Variants in CNTN1 observed in about 807,000 individuals in gnomAD.
CNTN1 encodes the protein contactin-1.
In CNTN1, 38 loss-of-function variants were observed where a neutral mutation model predicts 126.4. The observed-to-expected ratio is 0.30, with a 90% CI of 0.23 to 0.39. The LOEUF (loss-of-function observed/expected upper bound fraction) is 0.39, where lower values mean the gene tolerates loss of function less well. Ranked by LOEUF, CNTN1 falls within the 10% of genes least tolerant of loss-of-function variation. The probability of loss-of-function intolerance (pLI) is 1.00; values close to 1 mark genes in which losing one functional copy is unlikely to be tolerated. For synonymous variants in CNTN1, 413 were observed against 422.6 expected (o/e 0.98, Z 0.28); for missense variants, 1,009 against 1,248.4 (o/e 0.81, Z 2.89).
intron 14 of CNTN1, among the ~76,000 whole-genome samples, chr12:40,948,411 C>T (rs1438452864): frequency 6.7e-6 from 1 of 150,108 alleles, no homozygotes; most frequent in Non-Finnish European, 1.5e-5. Context: ...GTAATAATAG[C>T]CAACATTTAT....
chr12:41,055,568 G>A (rs1949785785), intron 23 of CNTN1, among the ~76,000 whole-genome samples: 1 of 152,074 alleles, frequency 6.6e-6, no homozygotes, highest in African/African-American at 2.4e-5. Flanking sequence ...CTCTTGAGAA[G>A]AAGAAAGGCC....
At chr12:40,977,965 G>A (rs1341405395) in intron 15 of CNTN1, among the ~76,000 whole-genome samples, 1 of 151,988 alleles carries the variant, frequency 6.6e-6, no homozygotes, top group East Asian at 1.9e-4. Flanking sequence ...TGCCATGCCA[G>A]CTGATTTTTG....
intron 17 of CNTN1, among the ~76,000 whole-genome samples, chr12:41,003,001 A>G (rs1368445290): frequency 6.6e-6 from 1 of 152,058 alleles, no homozygotes; most frequent in Non-Finnish European, 1.5e-5. Context: ...GAAGTGAGAG[A>G]TGGTATCCTG....
At chr12:41,016,657 A>G (rs1471564133) in intron 18 of CNTN1, 25 bp from the exon 19 acceptor site, 3 of 1,471,928 alleles carry the variant, frequency 2.0e-6, no homozygotes, top group Non-Finnish European at 2.9e-6. Flanking sequence ...ACTAAAACCT[A>G]CTCAATCTTT....
chr12:40,867,495 T>A (rs559911425), intron 1 of CNTN1, among the ~76,000 whole-genome samples: 4 of 152,186 alleles, frequency 2.6e-5, no homozygotes, highest in Non-Finnish European at 1.5e-5. Flanking sequence ...CCATGTTAAG[T>A]GTTTTCACTA....
intron 15 of CNTN1, among the ~76,000 whole-genome samples, chr12:40,971,193 G>A (rs927091483): frequency 3.9e-5 from 6 of 152,142 alleles, no homozygotes; most frequent in Admixed American, 6.6e-5. Flanking sequence ...CAGTTACAAC[G>A]CTTGCTCCTT....
chr12:41,047,025 C>T (rs977292845), intron 23 of CNTN1, among the ~76,000 whole-genome samples: 14 of 151,882 alleles, frequency 9.2e-5, no homozygotes, highest in African/African-American at 3.4e-4. Flanking sequence ...TAACTGTTCA[C>T]ATTTTATGTG....
intron 14 of CNTN1, among the ~76,000 whole-genome samples, chr12:40,958,746 A>T (rs1300168508): frequency 1.3e-5 from 2 of 152,054 alleles, no homozygotes; most frequent in East Asian, 1.9e-4. Flanking sequence ...TCCAAACCAT[A>T]TAGTATTTGT....
chr12:40,742,622 C>A (rs1359738144), intron 1 of CNTN1, among the ~76,000 whole-genome samples: 1 of 151,872 alleles, frequency 6.6e-6, no homozygotes, highest in Non-Finnish European at 1.5e-5. Flanking sequence ...TCACTGCAGC[C>A]TCAAACTTCT....
At chr12:40,892,000 G>T (rs1248637433) in intron 1 of CNTN1, among the ~76,000 whole-genome samples, 1 of 152,036 alleles carries the variant, frequency 6.6e-6, no homozygotes, top group African/African-American at 2.4e-5. Context: ...TGACAATTTT[G>T]AATTTCCCTC....
At chr12:40,973,123 T>A (rs960868219) in intron 15 of CNTN1, among the ~76,000 whole-genome samples, 1 of 152,126 alleles carries the variant, frequency 6.6e-6, no homozygotes, top group Non-Finnish European at 1.5e-5. Flanking sequence ...GGTTCATTTA[T>A]CTTCCTTTAG....
chr12:40,946,495 A>G (rs1396064712), intron 14 of CNTN1, among the ~76,000 whole-genome samples: 1 of 152,170 alleles, frequency 6.6e-6, no homozygotes, highest in African/African-American at 2.4e-5. Flanking sequence ...TAGGTTAAAT[A>G]AAACACTGAA....
At chr12:40,874,388 T>A (rs1167580521) in intron 1 of CNTN1, among the ~76,000 whole-genome samples, 1 of 152,188 alleles carries the variant, frequency 6.6e-6, no homozygotes, top group Non-Finnish European at 1.5e-5. Flanking sequence ...TAGAACATTA[T>A]AAACACAATT....
In CNTN1 at chr12:40,746,844, A is replaced by C. The variant is rs541252337; in HGVS notation, c.-77+54252A>C. ...GAAGTGTGCATGCTTGAGCCCACTC[A>C]CCCAGTTCCTGAGGTCTTATCAGGA... On this transcript the variant is annotated intron_variant, in intron 1 of 23. Coordinates refer to ENST00000551295, the MANE Select transcript of CNTN1 (RefSeq NM_001843.4). 3.9e-5 allele frequency among the ~76,000 whole-genome samples: 6 copies of C among 152,002 alleles called. No homozygotes were observed. The South Asian group carries it at 1.2e-3, about 32-fold the overall frequency.
intron 1 of CNTN1, among the ~76,000 whole-genome samples, chr12:40,825,788 T>C (rs1423310268): frequency 6.6e-6 from 1 of 152,156 alleles, no homozygotes; most frequent in African/African-American, 2.4e-5. Flanking sequence ...ATTTCTCTAC[T>C]TTGCTGGGTT....
At chr12:40,754,326 G>A (rs1019676511) in intron 1 of CNTN1, among the ~76,000 whole-genome samples, 3 of 152,040 alleles carry the variant, frequency 2.0e-5, no homozygotes, top group African/African-American at 7.2e-5. Flanking sequence ...AATTCACAAT[G>A]TTCAAGTCCC....
At chr12:40,985,441 A>C (rs1947933383) in intron 16 of CNTN1, among the ~76,000 whole-genome samples, 1 of 152,096 alleles carries the variant, frequency 6.6e-6, no homozygotes, top group African/African-American at 2.4e-5. Flanking sequence ...TTTCTATCAG[A>C]AAATGTCTTT....
chr12:40,736,174 C>A (rs1937671836), intron 1 of CNTN1, among the ~76,000 whole-genome samples: 1 of 151,902 alleles, frequency 6.6e-6, no homozygotes, highest in Admixed American at 6.6e-5. Flanking sequence ...CATACAGAAT[C>A]AATCAATCAA....
chr12:41,016,531 T>G (rs1948784730), intron 18 of CNTN1, 151 bp from the exon 19 acceptor site: 2 of 658,036 alleles, frequency 3.0e-6, no homozygotes. Flanking sequence ...TTTAAGTATG[T>G]TTTTCCTCTG....
Sources: gnomAD v4.1 joint callset for allele counts (sites outside exome capture counted in the v4.1 genomes callset) on GRCh38, gnomAD v4.1.1 for gene constraint, MANE v1.5 for transcripts, NCBI Gene and HGNC (gene_info 2026-07-23, HGNC 2026-07-21) for gene names.